The following ACO1 variants were observed in gnomAD, a reference collection of about 807,000 sequenced individuals.
ACO1 encodes the protein aconitase 1, also known as cytoplasmic aconitate hydratase.
A neutral mutation model predicts 105.1 loss-of-function variants in ACO1; 78 were observed. The observed-to-expected ratio is 0.74, with a 90% CI of 0.62 to 0.90. ACO1 has a LOEUF of 0.90. ACO1 is among the 40% of genes least tolerant of loss of function. ACO1 has a pLI of 0.00. For missense variants in ACO1, 965 were observed against 1,111.1 expected, an observed-to-expected ratio of 0.87 and a Z score of 1.87; for synonymous variants, 364 against 397.4, an observed-to-expected ratio of 0.92 and a Z score of 1.00.
intron 19 of ACO1, among the ~76,000 whole-genome samples, chr9:32,440,928 C>A (rs1273180360): frequency 6.6e-6 from 1 of 152,234 alleles, no homozygotes; most frequent in Non-Finnish European, 1.5e-5. Context: ...TTATAACATT[C>A]TCAGAGGCTG....
intron 2 of ACO1, among the ~76,000 whole-genome samples, 174 bp downstream of exon 2, chr9:32,405,777 G>A (rs1008683750): frequency 4.6e-5 from 7 of 152,190 alleles, no homozygotes; most frequent in Non-Finnish European, 8.8e-5. Context: ...TTTTAAGTAG[G>A]TGATAATGAT....
Position 32,427,293 on chromosome 9 carries a change from T to C in ACO1, c.1349-8T>C, listed in dbSNP as rs745864419. 23 of 1,614,062 alleles carry C rather than the reference T, an allele frequency of 1.4e-5. No homozygotes were observed. The African/African-American group carries it at 2.5e-4, about 18-fold the overall frequency. ...TCCCACACTGCATCTGTGTTTACCA[T>C]TTCACAGGATTGTTAGCAAAGAAAG... On this transcript the variant is annotated splice_region_variant and splice_polypyrimidine_tract_variant and intron_variant, in intron 11 of 20. Coordinates refer to ENST00000309951, the MANE Select transcript of ACO1 (RefSeq NM_002197.3).
intron 1 of ACO1, among the ~76,000 whole-genome samples, chr9:32,397,962 T>C (rs1290259796): frequency 6.6e-6 from 1 of 152,168 alleles, no homozygotes; most frequent in Non-Finnish European, 1.5e-5. Context: ...TGAAGGCTCT[T>C]TCAAGCTCTA....
chr9:32,440,498 C>G lies in ACO1; in HGVS notation c.2281C>G (p.Gln761Glu). ...DVFDAAERYQ[Q>E]AGLPLIVLAG... ...GTTTGATGCTGCTGAGCGGTACCAG[C>G]AGGCAGGCCTTCCCCTGATCGTTCT... The change falls in exon 19 of 21, where the codon CAG (glutamine) becomes GAG (glutamate). Residue 761 changes from glutamine (Q) to glutamate (E), a missense_variant. Transcript: ENST00000309951. 2 of 1,614,008 alleles carry G rather than the reference C, an allele frequency of 1.2e-6. No homozygotes were observed. Among genetic ancestry groups the G allele is most frequent in the South Asian group, 2.2e-5 (2 of 91,082 alleles).
intron 3 of ACO1, 90 bp downstream of exon 3, chr9:32,407,519 G>T (rs1821641630): frequency 8.3e-7 from 1 of 1,201,368 alleles, no homozygotes; most frequent in South Asian, 1.6e-5. Context: ...ACTCTGCAAT[G>T]ACTATATACT....
At chr9:32,422,074 C>T (rs1276843680) in intron 8 of ACO1, among the ~76,000 whole-genome samples, 3 of 152,058 alleles carry the variant, frequency 2.0e-5, no homozygotes, top group Non-Finnish European at 2.9e-5. Flanking sequence ...ACTAAAAGAA[C>T]AGAATAAATA....
intron 7 of ACO1, among the ~76,000 whole-genome samples, chr9:32,419,681 T>C (rs749706720): frequency 2.0e-5 from 3 of 152,254 alleles, no homozygotes; most frequent in Non-Finnish European, 4.4e-5. Flanking sequence ...AATAGCAAGG[T>C]AGTTCCATGA....
rs1171616963 is a variant in ACO1, at chr9:32,431,732, G to A, written c.1740G>A (p.Lys580=). 1 of 1,613,954 alleles carries A rather than the reference G, an allele frequency of 6.2e-7. No homozygotes were observed. Among genetic ancestry groups the A allele is most frequent in the Non-Finnish European group, 8.5e-7 (1 of 1,179,986 alleles). The change falls in exon 15 of 21, where the codon AAG becomes AAA. Residue 580 remains lysine (K), a synonymous_variant. Coordinates refer to ENST00000309951, the MANE Select transcript of ACO1 (RefSeq NM_002197.3). ...TTTTTTCCCCAGGAGTAAATGCAAA[G>A]GGACAGCAGGTATTTCTGAAAGATA... The part of the protein sequence containing the change: ...FEKEPLGVNA[K]GQQVFLKDIW...
At chr9:32,406,377 T>A (rs529792588) in intron 2 of ACO1, among the ~76,000 whole-genome samples, 1 of 152,328 alleles carries the variant, frequency 6.6e-6, no homozygotes, top group Non-Finnish European at 1.5e-5. Context: ...ATCCCTGCAC[T>A]TCGGGAGGCC....
At chr9:32,418,274 C>T (rs1821894049) in intron 5 of ACO1, 54 bp from the exon 6 acceptor site, 1 of 1,612,058 alleles carries the variant, frequency 6.2e-7, no homozygotes, top group African/African-American at 1.3e-5. Context: ...AGGAGATGGG[C>T]TGAGTAGAAG....
chr9:32,421,348 G>C (rs908528400), intron 8 of ACO1, among the ~76,000 whole-genome samples: 2 of 152,142 alleles, frequency 1.3e-5, no homozygotes, highest in Non-Finnish European at 2.9e-5. Context: ...CTGTGTACCA[G>C]GTACCTAGTA....
intron 1 of ACO1, among the ~76,000 whole-genome samples, chr9:32,394,455 A>G (rs1163098730): frequency 6.6e-6 from 1 of 152,228 alleles, no homozygotes; most frequent in Non-Finnish European, 1.5e-5. Flanking sequence ...GTATGAATGA[A>G]TCCACACCAG....
intron 2 of ACO1, 36 bp downstream of exon 2, chr9:32,405,639 T>A: frequency 2.8e-6 from 4 of 1,430,572 alleles, no homozygotes; most frequent in Non-Finnish European, 3.9e-6. Context: ...TGGAATCTCA[T>A]TTGCACAATG....
At chr9:32,428,831 G>A (rs909838638) in intron 12 of ACO1, among the ~76,000 whole-genome samples, 12 of 150,248 alleles carry the variant, frequency 8.0e-5, no homozygotes, top group African/African-American at 2.7e-4. Context: ...GCAACAGAGC[G>A]AGACTCCGTC....
At position 32,423,383 on chromosome 9, in the gene ACO1, T is replaced by C. The variant is rs1303491394; in HGVS notation, c.1035T>C (p.Asp345=). 2 of 1,600,576 alleles carry C rather than the reference T, an allele frequency of 1.2e-6. No homozygotes were observed. The highest frequency in any genetic ancestry group is 2.7e-5 in the African/African-American group (2 of 74,098). The change falls in exon 9 of 21, where the codon GAT becomes GAC. Residue 345 remains aspartate, a synonymous_variant. Coordinates refer to ENST00000309951, the MANE Select transcript of ACO1 (RefSeq NM_002197.3). ...KYLQAVGMFR[D]FNDPSQDPDF... is the part of the protein sequence containing the mutation. ...TTCAGGCTGTAGGAATGTTTCGAGA[T>C]TTCAATGACCCTTCTCAAGACCCAG...
Position 32,448,802 on chromosome 9 carries a change from C to T in ACO1, c.2371-94C>T, listed in dbSNP as rs537318813. 1.8e-5 allele frequency: 24 copies of T among 1,354,172 alleles called. No homozygotes were observed. In the African/African-American group the frequency reaches 2.9e-4, roughly 16 times the overall value. 83.9% of individuals were successfully genotyped at this position (1,354,172 alleles called of 1,614,324 possible). ...GCAGACTGGAGCTGTTCCTATTCGG[C>T]CATCATGCCAGCTCTCTCACAAAGT... On this transcript the variant is annotated intron_variant, in intron 19 of 20. Coordinates refer to ENST00000309951, the MANE Select transcript of ACO1 (RefSeq NM_002197.3).
At position 32,434,687 on chromosome 9, in the gene ACO1, C is replaced by T. The variant is rs1158632461; in HGVS notation, c.2085C>T (p.Tyr695=). ...CAAGAAACAGTCCTGCTGCTCGCTA[C>T]TTAACTAACAGAGGGTAAGTATGAA... The part of the protein sequence containing the change: ...NIARNSPAAR[Y]LTNRGLTPRE... The change falls in exon 17 of 21, where the codon TAC becomes TAT. Residue 695 remains tyrosine, a synonymous_variant. Coordinates refer to ENST00000309951, the MANE Select transcript of ACO1 (RefSeq NM_002197.3). 2 of 1,614,048 alleles carry T rather than the reference C, an allele frequency of 1.2e-6. No individual in the cohort carries two copies. Among genetic ancestry groups the T allele is most frequent in the South Asian group, 2.2e-5 (2 of 91,068 alleles).
chr9:32,418,381 C>T lies in ACO1; in HGVS notation c.528C>T (p.Ile176=). 6.2e-7 allele frequency: 1 copy of T among 1,614,184 alleles called. No homozygotes were observed. Among genetic ancestry groups the T allele is most frequent in the Non-Finnish European group, 8.5e-7 (1 of 1,180,022 alleles). The change falls in exon 6 of 21, where the codon ATC becomes ATT. Residue 176 remains isoleucine, a synonymous_variant. Transcript: ENST00000309951. ...NMRIIPPGSG[I]IHQVNLEYLA... is the part of the protein sequence containing the mutation. ...GGATTATTCCCCCTGGCTCAGGAAT[C>T]ATCCACCAGGTGAATTTGGAATATT...
Position 32,429,490 on chromosome 9 carries a change from A to C in ACO1, c.1556A>C (p.Glu519Ala). Reference sequence around the variant, plus strand: ...GGGCCTTTACCTGAACCTGTGGTAGAAGCCATCACACAGGTAATTGCAGAG... The same window carrying C: ...GGGCCTTTACCTGAACCTGTGGTAGCAGCCATCACACAGGTAATTGCAGAG... ...NSGPLPEPVV[E>A]AITQGDLVAV... The change falls in exon 13 of 21, where the codon GAA becomes GCA. Residue 519 changes from glutamate to alanine, a missense_variant. By Grantham distance (107) the Glu-to-Ala change is moderately radical (BLOSUM62 -1). Coordinates refer to ENST00000309951, the MANE Select transcript of ACO1 (RefSeq NM_002197.3). 6.2e-7 allele frequency: 1 copy of C among 1,614,130 alleles called. No individual in the cohort carries two copies. The highest frequency in any genetic ancestry group is 8.5e-7 in the Non-Finnish European group (1 of 1,179,966).
Sources: allele counts gnomAD v4.1 joint callset (sites outside exome capture counted in the v4.1 genomes callset), GRCh38; gene constraint gnomAD v4.1.1; transcripts MANE v1.5; gene names NCBI Gene and HGNC (gene_info 2026-07-23, HGNC 2026-07-21).